SLIT1: variants seen among roughly 807,000 people sequenced by gnomAD.
The protein encoded by SLIT1 is slit guidance ligand 1, also known as slit homolog 1 protein.
In SLIT1, 66 loss-of-function variants were observed where a neutral mutation model predicts 186.1. That is an observed-to-expected ratio of 0.35 (90% CI 0.29 to 0.44). The LOEUF (loss-of-function observed/expected upper bound fraction) is 0.44. Among genes scored for constraint, SLIT1 ranks in the 20% least tolerant of loss-of-function variants. The pLI, the probability that SLIT1 is intolerant of heterozygous loss-of-function variation, is 1.00. For missense variants in SLIT1, 1,638 were observed against 2,037.4 expected (o/e 0.80, Z 3.77); for synonymous variants, 761 against 833.8 (o/e 0.91, Z 1.50).
Position 97,090,854 on chromosome 10 carries a change from C to T in SLIT1, c.414-24768G>A, listed in dbSNP as rs558393379. 8.5e-5 allele frequency among the ~76,000 whole-genome samples: 13 copies of T among 152,358 alleles called. No homozygotes were observed. The South Asian group carries it at 1.0e-3, about 12-fold the overall frequency. ...CCCTGGCTGCTGCCTCCTAAGCCCACGCTCCATCCATGAAAGTGGCCCTCT... is the reference window on the plus strand; with the variant it reads ...CCCTGGCTGCTGCCTCCTAAGCCCATGCTCCATCCATGAAAGTGGCCCTCT... On this transcript the variant is annotated intron_variant, in intron 4 of 36. Transcript: ENST00000266058.
intron 4 of SLIT1, among the ~76,000 whole-genome samples, chr10:97,145,635 T>C (rs1427776640): frequency 6.6e-6 from 1 of 152,158 alleles, no homozygotes; most frequent in African/African-American, 2.4e-5. Context: ...AGCATGTGGC[T>C]GGACCCGAGA....
intron 1 of SLIT1, among the ~76,000 whole-genome samples, chr10:97,179,867 T>C (rs1173344992): frequency 6.8e-6 from 1 of 147,810 alleles, no homozygotes; most frequent in Admixed American, 6.9e-5. Context: ...CTGCTCTGGG[T>C]AATAAGTATT....
chr10:97,033,308 T>C (rs1002827476), intron 23 of SLIT1, among the ~76,000 whole-genome samples: 3 of 152,226 alleles, frequency 2.0e-5, no homozygotes, highest in Admixed American at 2.0e-4. Context: ...CTGGCTCTAC[T>C]GTTCTATCTG....
chr10:97,126,315 C>T (rs193010538), intron 4 of SLIT1, among the ~76,000 whole-genome samples: 4 of 152,288 alleles, frequency 2.6e-5, no homozygotes, highest in Admixed American at 2.0e-4. Context: ...CTCTTAGAGA[C>T]GAAGACCCCA....
At position 97,012,206 on chromosome 10, in the gene SLIT1, CTTTGTTTCATCTTTTAATGTTAATCT is replaced by C. The variant is rs1241762573; in HGVS notation, c.3204-1102_3204-1077del. Among the ~76,000 whole-genome samples the C allele has an allele frequency of 2.0e-5, 3 of 151,520 alleles. No individual in the cohort carries two copies. In the East Asian group the frequency reaches 5.8e-4, roughly 29 times the overall value. On this transcript the variant is annotated intron_variant, in intron 30 of 36. Transcript: ENST00000266058. ...TAAGATGGCATGTTGCTGTCTGATA[CTTTGTTTCATCTTTTAATGTTAATCT>C]TGACATTAATATTAAACAGGGGCTG... is the stretch of plus-strand genomic sequence containing the variant.
At chr10:97,125,530 TG>T (rs1272912526) in intron 4 of SLIT1, among the ~76,000 whole-genome samples, 14 of 89,888 alleles carry the variant, frequency 1.6e-4, no homozygotes, top group African/African-American at 3.9e-4. Flanking sequence ...CGAGACCCTG[TG>T]TCAAAAAAAA....
At chr10:97,066,658 A>G (rs1355851557) in intron 4 of SLIT1, among the ~76,000 whole-genome samples, 1 of 152,138 alleles carries the variant, frequency 6.6e-6, no homozygotes, top group Non-Finnish European at 1.5e-5. Flanking sequence ...TTCCGCCATG[A>G]GAAAAAGCTC....
rs369690643 is a variant in SLIT1, at chr10:97,068,860, C to G, written c.414-2774G>C. Among the ~76,000 whole-genome samples, 4 of 152,224 alleles carry G rather than the reference C, an allele frequency of 2.6e-5. No homozygotes were observed. The East Asian group carries it at 7.7e-4, about 29-fold the overall frequency. ...AGAGGGCCCCCAGTGGCCTACTCCC[C>G]GATGCCTGTCTTTATGCAGCAACTC... On this transcript the variant is annotated intron_variant, in intron 4 of 36. Transcript: ENST00000266058. The surrounding 1 kb of genome is among the most constrained non-coding windows in gnomAD (Gnocchi z 4.2).
chr10:97,035,421 C>T (rs1420057606), intron 22 of SLIT1, among the ~76,000 whole-genome samples: 1 of 152,164 alleles, frequency 6.6e-6, no homozygotes, highest in Non-Finnish European at 1.5e-5. Flanking sequence ...TACCACGCCC[C>T]ATCCCCCAGG....
intron 1 of SLIT1, among the ~76,000 whole-genome samples, chr10:97,179,678 C>G (rs1282489195): frequency 6.6e-6 from 1 of 152,202 alleles, no homozygotes; most frequent in Non-Finnish European, 1.5e-5. Context: ...TCAGGCCTCT[C>G]TCAACGACGC....
At chr10:97,093,173 C>G (rs886256849) in intron 4 of SLIT1, among the ~76,000 whole-genome samples, 1 of 152,198 alleles carries the variant, frequency 6.6e-6, no homozygotes, top group Non-Finnish European at 1.5e-5. Context: ...GAAGACACAA[C>G]CTGTGTTGCA....
chr10:97,109,262 C>T (rs550490883), intron 4 of SLIT1, among the ~76,000 whole-genome samples: 49 of 151,838 alleles, frequency 3.2e-4, no homozygotes, highest in African/African-American at 1.2e-3. Flanking sequence ...ATTTCAAGAG[C>T]TTAGCACAAT....
chr10:97,022,050 C>G lies in SLIT1; in HGVS notation c.2583-637G>C, dbSNP rs1392655791. On this transcript the variant is annotated intron_variant, in intron 25 of 36. Transcript: ENST00000266058. The surrounding 1 kb of genome is among the most constrained non-coding windows in gnomAD (Gnocchi z 4.2). Reference sequence around the variant, plus strand: ...GCCAGAGCCTACGAATGCACTGCCTCCAGTGTGCATGGGGAGAAAGCAACC... The same window carrying G: ...GCCAGAGCCTACGAATGCACTGCCTGCAGTGTGCATGGGGAGAAAGCAACC... 6.6e-6 allele frequency among the ~76,000 whole-genome samples: 1 copy of G among 152,192 alleles called. No homozygotes were observed. Among genetic ancestry groups the G allele is most frequent in the African/African-American group, 2.4e-5 (1 of 41,452 alleles).
intron 4 of SLIT1, among the ~76,000 whole-genome samples, chr10:97,095,381 C>T (rs1849277371): frequency 6.6e-6 from 1 of 152,242 alleles, no homozygotes; most frequent in African/African-American, 2.4e-5. Flanking sequence ...TAATGCTATT[C>T]TTATGGACCA....
At chr10:97,028,750 C>T (rs1347764982) in intron 25 of SLIT1, among the ~76,000 whole-genome samples, 1 of 152,194 alleles carries the variant, frequency 6.6e-6, no homozygotes, top group Non-Finnish European at 1.5e-5. Context: ...TTCTTCAGCA[C>T]TAGAGTCACT....
rs531635179 is a variant in SLIT1 at position 97,005,231 on chromosome 10, A to C, written c.3580-408T>G. 1.3e-5 allele frequency among the ~76,000 whole-genome samples: 2 copies of C among 152,312 alleles called. 1 individual carries two copies. The highest frequency in any genetic ancestry group is 4.1e-4 in the South Asian group (2 of 4,830). ...TCAGGGTGGGAACTACAGAGAGGAC[A>C]AGTTCAGGAAGGCTCTCTGACAGCC... is the stretch of plus-strand genomic sequence containing the variant. On this transcript the variant is annotated intron_variant, in intron 32 of 36. Coordinates refer to ENST00000266058, the MANE Select transcript of SLIT1 (RefSeq NM_003061.3).
rs141825640 is a variant in SLIT1, at chr10:97,002,925, G to A, written c.3933C>T (p.His1311=). The A allele has an allele frequency of 8.6e-5, 139 of 1,614,188 alleles. No individual in the cohort carries two copies. Among genetic ancestry groups the A allele is most frequent in the African/African-American group, 4.4e-4 (33 of 75,070 alleles). The stretch of plus-strand genomic sequence containing the variant: ...TGATGTACAGGTTTCGGATGCAACC[G>A]TGGAAGCCGGTGCCGTTGAGGATCT... ...LWQILNGTGF[H]GCIRNLYINN... The change falls in exon 35 of 37, where the codon CAC becomes CAT. Residue 1311 remains histidine (H), a synonymous_variant. Transcript: ENST00000266058.
intron 4 of SLIT1, among the ~76,000 whole-genome samples, chr10:97,067,922 C>A (rs1223233477): frequency 6.6e-6 from 1 of 152,166 alleles, no homozygotes; most frequent in Admixed American, 6.5e-5. Flanking sequence ...CGCCGCACAC[C>A]GCCCCTTGAA....
intron 3 of SLIT1, among the ~76,000 whole-genome samples, chr10:97,162,774 G>A (rs1393565702): frequency 5.3e-5 from 8 of 151,986 alleles, no homozygotes; most frequent in Non-Finnish European, 1.0e-4. Flanking sequence ...GGACGAGATC[G>A]GCGACCACCG....
Sources: gnomAD v4.1 joint callset for allele counts (sites outside exome capture counted in the v4.1 genomes callset) on GRCh38, gnomAD v4.1.1 for gene constraint, Gnocchi (gnomAD v3.1) non-coding constraint, MANE v1.5 for transcripts, NCBI Gene and HGNC (gene_info 2026-07-23, HGNC 2026-07-21) for gene names.